ZNF438: variants seen among roughly 807,000 people sequenced by gnomAD.
The protein encoded by ZNF438 is zinc finger protein 438.
Under a neutral mutation model 38.0 loss-of-function variants are expected in ZNF438, and 25 were observed. The observed-to-expected ratio is 0.66, with a 90% confidence interval of 0.48 to 0.92. ZNF438 has a LOEUF of 0.92. Among genes scored for constraint, ZNF438 ranks in the 40% least tolerant of loss-of-function variants. The pLI is 0.00. For synonymous variants in ZNF438, 372 were observed against 364.1 expected (o/e 1.02, Z -0.25); for missense variants, 1,007 against 999.6 (o/e 1.01, Z -0.10).
At chr10:30,994,797 G>A (rs960768978) in intron 1 of ZNF438, among the ~76,000 whole-genome samples, 2 of 152,160 alleles carry the variant, frequency 1.3e-5, no homozygotes, top group African/African-American at 2.4e-5. Flanking sequence ...TTGGGAGGCC[G>A]AGGTGGGAGG....
At chr10:30,983,767 A>G (rs984158857) in intron 1 of ZNF438, among the ~76,000 whole-genome samples, 2 of 152,148 alleles carry the variant, frequency 1.3e-5, no homozygotes, top group African/African-American at 4.8e-5. Context: ...CTACTTCTAA[A>G]CTATACATTT....
intron 1 of ZNF438, among the ~76,000 whole-genome samples, chr10:31,025,181 A>G (rs1321147863): frequency 6.6e-6 from 1 of 152,230 alleles, no homozygotes; most frequent in East Asian, 1.9e-4. Context: ...AAAATAAAAA[A>G]GGAGGAACAG....
At chr10:30,995,320 G>C (rs990773401) in intron 1 of ZNF438, among the ~76,000 whole-genome samples, 2 of 152,160 alleles carry the variant, frequency 1.3e-5, no homozygotes, top group Admixed American at 1.3e-4. Flanking sequence ...CTTCTCATTA[G>C]AAACAAGGGA....
At chr10:31,020,792 A>C (rs2056538900) in intron 1 of ZNF438, among the ~76,000 whole-genome samples, 1 of 151,312 alleles carries the variant, frequency 6.6e-6, no homozygotes, top group Non-Finnish European at 1.5e-5. Flanking sequence ...ATAATTTTAT[A>C]ATATATTAAC....
intron 1 of ZNF438, among the ~76,000 whole-genome samples, chr10:30,983,463 G>T (rs983797777): frequency 6.6e-6 from 1 of 151,966 alleles, no homozygotes; most frequent in African/African-American, 2.4e-5. Context: ...TTAAACAACC[G>T]GATCTCATGA....
chr10:31,025,638 G>A (rs2056890121), intron 1 of ZNF438, among the ~76,000 whole-genome samples: 1 of 152,102 alleles, frequency 6.6e-6, no homozygotes, highest in East Asian at 1.9e-4. Flanking sequence ...TCGACATACT[G>A]GTTTTGCTTA....
At chr10:30,977,812 A>C (rs2994643) in intron 1 of ZNF438, among the ~76,000 whole-genome samples, 1 of 151,744 alleles carries the variant, frequency 6.6e-6, no homozygotes, top group Non-Finnish European at 1.5e-5. Flanking sequence ...GTGAAACCCC[A>C]TTTCTACTAA....
chr10:30,948,887 G>T (rs1484170220), intron 1 of ZNF438, among the ~76,000 whole-genome samples: 27 of 151,694 alleles, frequency 1.8e-4, no homozygotes, highest in Admixed American at 1.2e-3. Flanking sequence ...TCAGATTCAG[G>T]AAATACAGAG....
intron 1 of ZNF438, among the ~76,000 whole-genome samples, chr10:30,989,526 CTT>C (rs2053239140): frequency 6.6e-6 from 1 of 152,222 alleles, no homozygotes; most frequent in South Asian, 2.1e-4. Flanking sequence ...TCTTACATCT[CTT>C]TGTATCCCCT....
Position 30,877,077 on chromosome 10 carries a change from C to A in ZNF438, c.-31-12G>T. 2.0e-6 allele frequency: 3 copies of A among 1,523,200 alleles called. No individual in the cohort carries two copies. The highest frequency in any genetic ancestry group is 2.7e-6 in the Non-Finnish European group (3 of 1,113,554). 94.4% of individuals were successfully genotyped at this position (1,523,200 alleles called of 1,614,324 possible). A position where few individuals can be genotyped will look rare whatever the true frequency, so the allele number is the denominator to read the frequency against. On this transcript the variant is annotated splice_polypyrimidine_tract_variant and intron_variant, in intron 3 of 5. Coordinates refer to ENST00000413025, the Ensembl canonical transcript of ZNF438. ...GAATAGTATCTTTCCTAAAAATAAG[C>A]AAGCACAAATAAGTATTAGAAAGTA...
chr10:30,877,080 G>A lies in ZNF438; in HGVS notation c.-31-15C>T. On this transcript the variant is annotated splice_polypyrimidine_tract_variant and intron_variant, in intron 3 of 5. Coordinates refer to ENST00000413025, the Ensembl canonical transcript of ZNF438. ...TAGTATCTTTCCTAAAAATAAGCAA[G>A]CACAAATAAGTATTAGAAAGTAATT... The A allele has an allele frequency of 1.3e-6, 2 of 1,490,678 alleles. No individual in the cohort carries two copies. The highest frequency in any genetic ancestry group is 1.8e-6 in the Non-Finnish European group (2 of 1,085,654). 92.3% of individuals were successfully genotyped at this position (1,490,678 alleles called of 1,614,324 possible). A position where few individuals can be genotyped will look rare whatever the true frequency, so the allele number is the denominator to read the frequency against.
At chr10:31,021,549 T>C (rs1416394640) in intron 1 of ZNF438, among the ~76,000 whole-genome samples, 1 of 152,206 alleles carries the variant, frequency 6.6e-6, no homozygotes. Context: ...GGTTATGCTA[T>C]ATATCATTTT....
At chr10:30,912,257 C>T (rs80203438) in intron 2 of ZNF438, among the ~76,000 whole-genome samples, 2,057 of 152,196 alleles carry the variant, frequency 0.014, 37 homozygotes, top group African/African-American at 0.046. Flanking sequence ...CCTCCAAGAC[C>T]CTTCTGTCAA....
chr10:30,882,275 C>T (rs564793651), intron 3 of ZNF438, among the ~76,000 whole-genome samples: 5 of 152,202 alleles, frequency 3.3e-5, no homozygotes, highest in African/African-American at 1.2e-4. Context: ...AACTGGCCTG[C>T]AAATAAGAAC....
At chr10:30,950,496 T>C (rs565328214) in intron 1 of ZNF438, among the ~76,000 whole-genome samples, 4 of 151,288 alleles carry the variant, frequency 2.6e-5, no homozygotes, top group South Asian at 2.1e-4. Context: ...ATTGATAGAC[T>C]GCTAGCAAGA....
chr10:30,986,382 C>T (rs2052792182), intron 1 of ZNF438, among the ~76,000 whole-genome samples: 1 of 152,056 alleles, frequency 6.6e-6, no homozygotes, highest in South Asian at 2.1e-4. Flanking sequence ...AATCATAAGC[C>T]TAAAAAAGCA....
chr10:30,898,559 A>G (rs1175448296), intron 3 of ZNF438, among the ~76,000 whole-genome samples: 1 of 152,140 alleles, frequency 6.6e-6, no homozygotes, highest in African/African-American at 2.4e-5. Flanking sequence ...TATTGTATAT[A>G]TTTATATAAT....
At chr10:30,937,336 T>C (rs983872094) in intron 2 of ZNF438, among the ~76,000 whole-genome samples, 14 of 152,250 alleles carry the variant, frequency 9.2e-5, no homozygotes, top group Non-Finnish European at 1.6e-4. Context: ...TAACATGATT[T>C]AGAACATTTC....
chr10:30,974,044 T>C (rs1361977284), intron 1 of ZNF438, among the ~76,000 whole-genome samples: 1 of 152,232 alleles, frequency 6.6e-6, no homozygotes, highest in Non-Finnish European at 1.5e-5. Context: ...TGCAGCCTAA[T>C]GGCTGATTGG....
Sources: gnomAD v4.1 joint callset for allele counts (sites outside exome capture counted in the v4.1 genomes callset) on GRCh38, gnomAD v4.1.1 for gene constraint, MANE v1.5 for transcripts, NCBI Gene and HGNC (gene_info 2026-07-23, HGNC 2026-07-21) for gene names.